NCAPH2: variants seen among roughly 807,000 people sequenced by gnomAD.
The protein encoded by NCAPH2 is condensin-2 complex subunit H2.
In NCAPH2, 56 loss-of-function variants were observed where a neutral mutation model predicts 88.6. That is an observed-to-expected ratio of 0.63 (90% confidence interval 0.51 to 0.79). The LOEUF (loss-of-function observed/expected upper bound fraction) is 0.79. NCAPH2 is among the 30% of genes least tolerant of loss of function. The pLI is 0.00. For missense variants in NCAPH2, 794 were observed against 792.0 expected, an observed-to-expected ratio of 1.00 and a Z score of -0.03; for synonymous variants, 378 against 313.6, an observed-to-expected ratio of 1.21 and a Z score of -2.17.
In NCAPH2 at chr22:50,524,211, G is replaced by A. The variant is rs61748568; in HGVS notation, c.*836G>A. 5,887 of 1,608,210 alleles carry A rather than the reference G, an allele frequency of 3.7e-3. 18 individuals carry two copies. The highest frequency in any genetic ancestry group is 4.5e-3 in the Non-Finnish European group (5,339 of 1,179,898). On this transcript the variant is annotated 3_prime_UTR_variant, in exon 20 of 20. Coordinates refer to ENST00000420993, the MANE Select transcript of NCAPH2 (RefSeq NM_152299.4). ...GCCAGGCCCCACCGAGTCCAGCCCC[G>A]AACAGGCCTGTGATCAGCAGCCGGG...
At position 50,521,727 on chromosome 22, in the gene NCAPH2, C is replaced by T. The variant is rs749926144; in HGVS notation, c.1001-14C>T. The T allele has an allele frequency of 5.6e-6, 9 of 1,613,758 alleles. 1 individual carries two copies. The South Asian group carries it at 9.9e-5, about 18-fold the overall frequency. On this transcript the variant is annotated splice_polypyrimidine_tract_variant and intron_variant, in intron 11 of 19. Coordinates refer to ENST00000420993, the MANE Select transcript of NCAPH2 (RefSeq NM_152299.4). ...TCCCCCAGCGGCTCTAAGACAGTCCCTGTTTGCCCCCAGGTAGGCCTTACT... is the reference window on the plus strand; with the variant it reads ...TCCCCCAGCGGCTCTAAGACAGTCCTTGTTTGCCCCCAGGTAGGCCTTACT...
Position 50,518,750 on chromosome 22 carries a change from C to T in NCAPH2, c.730+18C>T, listed in dbSNP as rs754263238. The T allele has an allele frequency of 1.6e-5, 25 of 1,591,994 alleles. No homozygotes were observed. The highest frequency in any genetic ancestry group is 1.0e-4 in the South Asian group (9 of 87,846). ...GGAGCCAGGTGAGAAGAGAGCTCCC[C>T]GGTGGGACTGGCAGGGCAGCCAAAG... On this transcript the variant is annotated intron_variant, in intron 8 of 19. Transcript: ENST00000420993.
At chr22:50,511,795 G>A (rs950371853) in intron 1 of NCAPH2, among the ~76,000 whole-genome samples, 17 of 151,378 alleles carry the variant, frequency 1.1e-4, no homozygotes, top group African/African-American at 2.4e-4. Context: ...ACAGGCGCCC[G>A]CCACCACGCC....
intron 1 of NCAPH2, among the ~76,000 whole-genome samples, chr22:50,510,722 G>A (rs967434665): frequency 3.3e-5 from 5 of 152,170 alleles, no homozygotes; most frequent in Admixed American, 2.6e-4. Context: ...GAGCCACCAC[G>A]CCTGGCTGAC....
intron 9 of NCAPH2, chr22:50,519,546 GT>G (rs1459415509): frequency 1.5e-6 from 2 of 1,312,330 alleles, no homozygotes; most frequent in African/African-American, 3.0e-5. Context: ...CCTCAGAGTA[GT>G]GGGCTGGCGT....
intron 17 of NCAPH2, 41 bp from the exon 18 acceptor site, chr22:50,522,780 C>T: frequency 6.2e-7 from 1 of 1,612,474 alleles, no homozygotes; most frequent in Non-Finnish European, 8.5e-7. Flanking sequence ...GTGCCCAGGC[C>T]CCTGCTTGGG....
At chr22:50,514,889 G>A (rs985401474) in intron 1 of NCAPH2, among the ~76,000 whole-genome samples, 5 of 152,166 alleles carry the variant, frequency 3.3e-5, no homozygotes, top group Non-Finnish European at 4.4e-5. Flanking sequence ...TCCCCAGCAC[G>A]CGCCATGCTT....
At chr22:50,515,124 C>A (rs971236902) in intron 1 of NCAPH2, among the ~76,000 whole-genome samples, 1 of 152,190 alleles carries the variant, frequency 6.6e-6, no homozygotes, top group Admixed American at 6.5e-5. Flanking sequence ...CTAAGGGACA[C>A]GATCACACTA....
chr22:50,512,738 G>A (rs1052050648), intron 1 of NCAPH2, among the ~76,000 whole-genome samples: 3 of 151,892 alleles, frequency 2.0e-5, no homozygotes, highest in African/African-American at 7.3e-5. Context: ...TAGAGATGGG[G>A]TGTCACTGTG....
chr22:50,515,599 T>C (rs1006948872), intron 1 of NCAPH2: 8 of 681,050 alleles, frequency 1.2e-5, no homozygotes, highest in African/African-American at 9.4e-5. Flanking sequence ...GGTTTCACCG[T>C]GTTAGCCAGG....
Position 50,517,439 on chromosome 22 carries a change from T to C in NCAPH2, c.223T>C (p.Tyr75His). The C allele has an allele frequency of 6.2e-7, 1 of 1,614,058 alleles. No individual in the cohort carries two copies. Among genetic ancestry groups the C allele is most frequent in the South Asian group, 1.1e-5 (1 of 91,084 alleles). Residue 75 changes from tyrosine (Y) to histidine (H), a missense_variant, in exon 3 of 20, where the codon TAC becomes CAC. Around this residue, in one of 2 missense-constraint regions of NCAPH2, gnomAD observed 735 missense variants for 696.3 expected, o/e 1.06. Transcript: ENST00000420993. ...ATCTGGTCACCAGGTGGAATACCTC[T>C]ACTCACTCGTCTACCAGGCCCTTGA... ...CVYSKKVEYL[Y>H]SLVYQALDFI...
At chr22:50,518,994 G>C (rs1457733795) in intron 8 of NCAPH2, among the ~76,000 whole-genome samples, 196 bp from the exon 9 acceptor site, 1 of 152,192 alleles carries the variant, frequency 6.6e-6, no homozygotes, top group Non-Finnish European at 1.5e-5. Flanking sequence ...CATTTAAAGA[G>C]GAACATTTGC....
intron 1 of NCAPH2, among the ~76,000 whole-genome samples, chr22:50,512,863 T>C (rs1258397828): frequency 6.6e-6 from 1 of 152,192 alleles, no homozygotes; most frequent in Non-Finnish European, 1.5e-5. Flanking sequence ...CTTCTAGTAC[T>C]GTCATGATCC....
chr22:50,518,359 G>T, intron 7 of NCAPH2, 81 bp downstream of exon 7: 2 of 1,549,148 alleles, frequency 1.3e-6, no homozygotes, highest in Admixed American at 1.9e-5. Context: ...CCCTGTGCTT[G>T]CCACCTCTGG....
At position 50,524,725 on chromosome 22, in the gene NCAPH2, G is replaced by T; in HGVS notation, c.*1350G>T. On this transcript the variant is annotated 3_prime_UTR_variant, in exon 20 of 20. Coordinates refer to ENST00000420993, the MANE Select transcript of NCAPH2 (RefSeq NM_152299.4). ...CTGACGGAAAGCATTCCAAGTGCAT[G>T]CCTTGCCTGAACTAACCACGTTATC... The T allele has an allele frequency of 1.7e-6, 1 of 597,042 alleles. No individual in the cohort carries two copies. The highest frequency in any genetic ancestry group is 3.2e-6 in the Non-Finnish European group (1 of 308,862). 37.0% of individuals were successfully genotyped at this position (597,042 alleles called of 1,614,324 possible). A position where few individuals can be genotyped will look rare whatever the true frequency, so the allele number is the denominator to read the frequency against.
intron 14 of NCAPH2, 37 bp downstream of exon 14, chr22:50,522,288 GTGGTGGCCC>G: frequency 6.2e-7 from 1 of 1,609,160 alleles, no homozygotes; most frequent in Non-Finnish European, 8.5e-7. Context: ...CTAGGACCCC[GTGGTGGCCC>G]TGATGGGAGG....
chr22:50,514,690 T>G (rs2068868949), intron 1 of NCAPH2, among the ~76,000 whole-genome samples: 1 of 152,212 alleles, frequency 6.6e-6, no homozygotes, highest in African/African-American at 2.4e-5. Flanking sequence ...GGACCAGCTC[T>G]TCAGGTCCTG....
intron 1 of NCAPH2, among the ~76,000 whole-genome samples, chr22:50,513,435 T>C (rs1227401295): frequency 6.6e-6 from 1 of 151,332 alleles, no homozygotes; most frequent in African/African-American, 2.4e-5. Flanking sequence ...TCCCAGCACT[T>C]AGGGAGGCCG....
At position 50,522,872 on chromosome 22, in the gene NCAPH2, CAG is replaced by C; in HGVS notation, c.1478_1479del (p.Gln493ProfsTer23). On this transcript the variant is annotated frameshift_variant, in exon 18 of 20. Transcript: ENST00000420993. LOFTEE classifies it high-confidence loss of function. The part of the protein sequence containing the change: ...QKFVQETELS[Q>X]RIRDWEDTVQ... ...GTTTGTCCAGGAGACAGAGCTGAGC[CAG>C]CGCATCAGGGACTGGGAGGACACAG... The C allele has an allele frequency of 6.2e-7, 1 of 1,613,466 alleles. No homozygotes were observed. The highest frequency in any genetic ancestry group is 8.5e-7 in the Non-Finnish European group (1 of 1,180,006).
Sources: allele counts gnomAD v4.1 joint callset (sites outside exome capture counted in the v4.1 genomes callset), GRCh38; gene constraint gnomAD v4.1.1; regional missense constraint gnomAD v4.1.1; transcripts MANE v1.5; gene names NCBI Gene and HGNC (gene_info 2026-07-23, HGNC 2026-07-21).